Variants in CADPS2 observed in about 807,000 individuals in gnomAD.
CADPS2 encodes the protein calcium-dependent secretion activator 2.
In CADPS2, 93 loss-of-function variants were observed where a neutral mutation model predicts 172.5. The observed-to-expected ratio is 0.54, with a 90% CI of 0.46 to 0.64. The LOEUF is 0.64. Ranked by LOEUF, CADPS2 falls within the 30% of genes least tolerant of loss-of-function variation. The pLI is 0.00. For missense variants in CADPS2, 1,420 were observed against 1,565.9 expected (o/e 0.91, Z 1.57); for synonymous variants, 546 against 555.2 (o/e 0.98, Z 0.23).
At position 122,578,656 on chromosome 7, in the gene CADPS2, AT is replaced by A. The variant is rs559863495; in HGVS notation, c.1335+2522del. ...CTGCTACACTATAATGAGGAGTCTGATTTTTATTCCAAATAAATTGGAAGAC... is the reference window on the plus strand; with the variant it reads ...CTGCTACACTATAATGAGGAGTCTGATTTTATTCCAAATAAATTGGAAGAC... On this transcript the variant is annotated intron_variant, in intron 7 of 29. Transcript: ENST00000449022. Among the ~76,000 whole-genome samples, 723 of 152,212 alleles carry A rather than the reference AT, an allele frequency of 4.7e-3. 5 individuals carry two copies. The highest frequency in any genetic ancestry group is 0.014 in the African/African-American group (573 of 41,550).
chr7:122,482,861 C>T (rs971128043), intron 11 of CADPS2, among the ~76,000 whole-genome samples: 2 of 152,096 alleles, frequency 1.3e-5, no homozygotes, highest in Admixed American at 6.5e-5. Context: ...AGAAGGCCTC[C>T]CCCAAGAATT....
intron 3 of CADPS2, among the ~76,000 whole-genome samples, chr7:122,642,193 T>A (rs2077727562): frequency 6.7e-6 from 1 of 148,888 alleles, no homozygotes; most frequent in African/African-American, 2.5e-5. Context: ...GGCAGGAGAA[T>A]CACTTGAACC....
At position 122,594,858 on chromosome 7, in the gene CADPS2, A is replaced by C. The variant is rs551998189; in HGVS notation, c.1224-13568T>G. On this transcript the variant is annotated intron_variant, in intron 6 of 29. Transcript: ENST00000449022. ...GTACAAAAAAGCACAGTGCTTTATA[A>C]GATGAAAACCAAGATTTTTAAAAAC... Among the ~76,000 whole-genome samples, 4 of 152,050 alleles carry C rather than the reference A, an allele frequency of 2.6e-5. No individual in the cohort carries two copies. In the South Asian group the frequency reaches 8.3e-4, roughly 32 times the overall value.
intron 3 of CADPS2, among the ~76,000 whole-genome samples, chr7:122,646,487 G>C (rs1435868900): frequency 6.6e-6 from 1 of 152,046 alleles, no homozygotes; most frequent in Non-Finnish European, 1.5e-5. Context: ...GAAGGAGGTG[G>C]AATTTTTCAT....
At chr7:122,464,038 T>C (rs2054814390) in intron 14 of CADPS2, among the ~76,000 whole-genome samples, 1 of 152,150 alleles carries the variant, frequency 6.6e-6, no homozygotes, top group African/African-American at 2.4e-5. Context: ...AACACACATG[T>C]CACCTAGATC....
At chr7:122,348,845 T>C (rs564104056) in intron 27 of CADPS2, among the ~76,000 whole-genome samples, 2 of 152,334 alleles carry the variant, frequency 1.3e-5, no homozygotes, top group South Asian at 4.1e-4. Context: ...TTATCTCTGA[T>C]AAATTGCTGA....
chr7:122,719,072 A>G (rs2090046857), intron 2 of CADPS2, among the ~76,000 whole-genome samples: 1 of 152,112 alleles, frequency 6.6e-6, no homozygotes, highest in African/African-American at 2.4e-5. Flanking sequence ...TACGTTATAT[A>G]AACACAGCTC....
chr7:122,703,216 A>G (rs1286613898), intron 2 of CADPS2, among the ~76,000 whole-genome samples: 1 of 152,124 alleles, frequency 6.6e-6, no homozygotes, highest in Non-Finnish European at 1.5e-5. Flanking sequence ...CCAGCCATAT[A>G]ATGTTTTTTC....
chr7:122,806,072 C>T (rs1451658348), intron 1 of CADPS2, among the ~76,000 whole-genome samples: 1 of 152,158 alleles, frequency 6.6e-6, no homozygotes, highest in African/African-American at 2.4e-5. Flanking sequence ...ATAAGAAGTA[C>T]TAGCCCTGAT....
chr7:122,444,280 A>G (rs112353591), intron 15 of CADPS2, among the ~76,000 whole-genome samples: 3 of 152,284 alleles, frequency 2.0e-5, no homozygotes, highest in African/African-American at 4.8e-5. Flanking sequence ...CAATCATATA[A>G]AAGTCTGTGT....
At chr7:122,643,502 T>TG (rs1563941504) in intron 3 of CADPS2, among the ~76,000 whole-genome samples, 2 of 152,214 alleles carry the variant, frequency 1.3e-5, no homozygotes, top group African/African-American at 2.4e-5. Context: ...GCTGGGCCTC[T>TG]CGCTTTGAGT....
chr7:122,596,174 A>G (rs2071744981), intron 6 of CADPS2, among the ~76,000 whole-genome samples: 1 of 152,082 alleles, frequency 6.6e-6, no homozygotes, highest in Non-Finnish European at 1.5e-5. Context: ...AGTAACAACT[A>G]AATGTTGAGA....
chr7:122,386,398 G>A (rs1465485193), intron 24 of CADPS2: 2 of 761,916 alleles, frequency 2.6e-6, no homozygotes, highest in Non-Finnish European at 3.9e-6. Context: ...ATTACAATGG[G>A]AAAAAAAGGC....
At chr7:122,856,822 T>C (rs1423548194) in intron 1 of CADPS2, among the ~76,000 whole-genome samples, 2 of 152,348 alleles carry the variant, frequency 1.3e-5, no homozygotes, top group African/African-American at 4.8e-5. Flanking sequence ...AAGACATCTT[T>C]AATATGATTT....
chr7:122,716,184 G>C (rs1588686746), intron 2 of CADPS2, among the ~76,000 whole-genome samples: 2 of 152,088 alleles, frequency 1.3e-5, no homozygotes, highest in South Asian at 4.2e-4. Flanking sequence ...TGAAGTAATG[G>C]AAGTCTATGC....
intron 7 of CADPS2, among the ~76,000 whole-genome samples, chr7:122,556,858 A>T (rs2065093254): frequency 6.6e-6 from 1 of 151,834 alleles, no homozygotes. Flanking sequence ...TATTAATAGC[A>T]CTCTTAGCTC....
At chr7:122,574,624 T>C (rs1446386081) in intron 7 of CADPS2, among the ~76,000 whole-genome samples, 2 of 149,800 alleles carry the variant, frequency 1.3e-5, no homozygotes, top group South Asian at 2.1e-4. Context: ...CAAAGACCAA[T>C]AGGTACATGA....
intron 8 of CADPS2, among the ~76,000 whole-genome samples, chr7:122,515,777 C>A (rs1481291711): frequency 6.7e-6 from 1 of 149,550 alleles, no homozygotes; most frequent in Non-Finnish European, 1.5e-5. Context: ...TGTAACTAAC[C>A]TGCACAATGT....
chr7:122,381,265 G>A (rs1363091450), intron 24 of CADPS2, among the ~76,000 whole-genome samples: 1 of 152,118 alleles, frequency 6.6e-6, no homozygotes, highest in African/African-American at 2.4e-5. Flanking sequence ...CTCCAGATCA[G>A]TGTATTCAGC....
Sources: gnomAD v4.1 joint callset for allele counts (sites outside exome capture counted in the v4.1 genomes callset) on GRCh38, gnomAD v4.1.1 for gene constraint, MANE v1.5 for transcripts, NCBI Gene and HGNC (gene_info 2026-07-23, HGNC 2026-07-21) for gene names.